Variants in POLM observed in about 807,000 individuals in gnomAD.
The protein encoded by POLM is DNA-directed DNA/RNA polymerase mu.
A neutral mutation model predicts 56.7 loss-of-function variants in POLM; 52 were observed. The observed-to-expected ratio is 0.92, with a 90% confidence interval of 0.73 to 1.15. POLM has a LOEUF of 1.15. Among genes scored for constraint, POLM ranks in the 50% most tolerant of loss-of-function variants. The probability of loss-of-function intolerance (pLI) is 0.00; values close to 1 mark genes in which losing one functional copy is unlikely to be tolerated. For missense variants in POLM, 660 were observed against 663.6 expected, an observed-to-expected ratio of 0.99 and a Z score of 0.06; for synonymous variants, 273 against 274.3, an observed-to-expected ratio of 1.00 and a Z score of 0.05.
intron 4 of POLM, among the ~76,000 whole-genome samples, 191 bp downstream of exon 4, chr7:44,079,380 C>T (rs1193492954): frequency 1.3e-5 from 2 of 152,180 alleles, no homozygotes; most frequent in African/African-American, 2.4e-5. Flanking sequence ...TCCTCTAGGC[C>T]ACCCAGGAGT....
intron 5 of POLM, chr7:44,078,524 T>C: frequency 1.8e-6 from 1 of 568,520 alleles, no homozygotes; most frequent in East Asian, 2.9e-5. Context: ...ATCTAGAAAA[T>C]TCTGTCCTCA....
chr7:44,073,203 A>AG lies in POLM; in HGVS notation c.*87dup, dbSNP rs1491493618. On this transcript the variant is annotated 3_prime_UTR_variant, in exon 11 of 11. Coordinates refer to ENST00000242248, the MANE Select transcript of POLM (RefSeq NM_013284.4). Reference sequence around the variant, plus strand: ...GCGGGGAGGGGTGAAGGTGGGGGTCAGGGGGCAGCATATCTGCCTGGAGAC... The same window carrying AG: ...GCGGGGAGGGGTGAAGGTGGGGGTCAGGGGGGCAGCATATCTGCCTGGAGAC... The AG allele has an allele frequency of 1.9e-6, 3 of 1,607,216 alleles. No homozygotes were observed. Among genetic ancestry groups the AG allele is most frequent in the Middle Eastern group, 1.7e-4 (1 of 6,038 alleles).
At chr7:44,077,234 G>A (rs916353839) in intron 5 of POLM, among the ~76,000 whole-genome samples, 12 of 152,220 alleles carry the variant, frequency 7.9e-5, no homozygotes, top group South Asian at 2.1e-4. Flanking sequence ...TGGCAGCCGA[G>A]CACCTTTTGT....
In POLM at chr7:44,076,731, G is replaced by A. The variant is rs942979822; in HGVS notation, c.715-102C>T. On this transcript the variant is annotated intron_variant, in intron 5 of 10. Coordinates refer to ENST00000242248, the MANE Select transcript of POLM (RefSeq NM_013284.4). Reference sequence around the variant, plus strand: ...GTGGCCCATGGAGCACCATGCACCAGGCAGGCGCCGTCCCCACTCGCAACC... The same window carrying A: ...GTGGCCCATGGAGCACCATGCACCAAGCAGGCGCCGTCCCCACTCGCAACC... 4.8e-5 allele frequency: 70 copies of A among 1,466,428 alleles called. No individual in the cohort carries two copies. The Admixed American group carries it at 1.3e-3, about 27-fold the overall frequency. The allele number at this position is 1,466,428 out of a possible 1,614,324, so 90.8% of individuals were successfully genotyped here.
Position 44,080,743 on chromosome 7 carries a change from T to G in POLM, c.362A>C (p.His121Pro), listed in dbSNP as rs746719166. The change falls in exon 2 of 11, where the codon CAC (histidine) becomes CCC (proline). Residue 121 changes from histidine to proline, a missense_variant. By Grantham distance (77) the His-to-Pro change is moderately conservative. Coordinates refer to ENST00000242248, the MANE Select transcript of POLM (RefSeq NM_013284.4). ...AGQPVPVECRHRLEVAGPRKG... is the reference protein window; with the variant it reads ...AGQPVPVECRPRLEVAGPRKG... ...TTCCACCCAGCTCACCTCCAGGCGGTGCCGGCACTCCACAGGTACAGGCTG... is the reference window on the plus strand; with the variant it reads ...TTCCACCCAGCTCACCTCCAGGCGGGGCCGGCACTCCACAGGTACAGGCTG... 11 of 1,614,076 alleles carry G rather than the reference T, an allele frequency of 6.8e-6. No homozygotes were observed. In the Admixed American group the frequency reaches 1.7e-4, roughly 24 times the overall value.
Position 44,079,697 on chromosome 7 carries a change from A to T in POLM, c.516T>A (p.Ser172Arg). 11 of 1,612,512 alleles carry T rather than the reference A, an allele frequency of 6.8e-6. No individual in the cohort carries two copies. The highest frequency in any genetic ancestry group is 9.3e-6 in the Non-Finnish European group (11 of 1,179,266). ...TGCAGAAGGTGAGGAGGCGGCCCTCACTGCCTTCAAAGCCTGCTGCCTCGG... is the reference window on the plus strand; with the variant it reads ...TGCAGAAGGTGAGGAGGCGGCCCTCTCTGCCTTCAAAGCCTGCTGCCTCGG... ...ILAEAAGFEG[S>R]EGRLLTFCRA... The change falls in exon 4 of 11, where the codon AGT becomes AGA. Residue 172 changes from serine (S) to arginine (R), a missense_variant. Coordinates refer to ENST00000242248, the MANE Select transcript of POLM (RefSeq NM_013284.4).
At position 44,072,389 on chromosome 7, in the gene POLM, C is replaced by G. The variant is rs1484173055; in HGVS notation, c.*902G>C. 3 of 152,182 alleles carry G rather than the reference C, an allele frequency of 2.0e-5. No individual in the cohort carries two copies. Among genetic ancestry groups the G allele is most frequent in the Non-Finnish European group, 1.5e-5 (1 of 68,038 alleles). The allele number at this position is 152,182 out of a possible 1,614,324, so 9.4% of individuals were successfully genotyped here. A position where few individuals can be genotyped will look rare whatever the true frequency, so the allele number is the denominator to read the frequency against. ...GACATGGCCAGGGCAAAACCTGAGG[C>G]CAGAGTGTGCCTGGGGATATGAGGG... On this transcript the variant is annotated 3_prime_UTR_variant, in exon 11 of 11. Transcript: ENST00000242248.
rs776901830 is a variant in POLM at position 44,078,800 on chromosome 7, C to T, written c.654G>A (p.Glu218=). Residue 218 remains glutamate, a synonymous_variant, in exon 5 of 11, where the codon GAG becomes GAA. Coordinates refer to ENST00000242248, the MANE Select transcript of POLM (RefSeq NM_013284.4). ...TCTCCACCTCCTCACACACTCCATGCTCCAGCAGCTCCTGGGGGAGGGAAC... is the reference window on the plus strand; with the variant it reads ...TCTCCACCTCCTCACACACTCCATGTTCCAGCAGCTCCTGGGGGAGGGAAC... ...HSSRVVQELL[E]HGVCEEVERV... 1.2e-6 allele frequency: 2 copies of T among 1,613,602 alleles called. No homozygotes were observed. The highest frequency in any genetic ancestry group is 1.7e-6 in the Non-Finnish European group (2 of 1,179,684).
Position 44,074,535 on chromosome 7 carries a change from G to A in POLM, c.836-5C>T. The stretch of plus-strand genomic sequence containing the variant: ...GGTCCTGGTGGTGCTGGAGCCCTGG[G>A]GGCAACACCGGCCCTCCTGACTCAC... On this transcript the variant is annotated splice_region_variant and splice_polypyrimidine_tract_variant and intron_variant, in intron 6 of 10. Coordinates refer to ENST00000242248, the MANE Select transcript of POLM (RefSeq NM_013284.4). The A allele has an allele frequency of 6.4e-7, 1 of 1,554,836 alleles. No individual in the cohort carries two copies. Among genetic ancestry groups the A allele is most frequent in the Non-Finnish European group, 8.7e-7 (1 of 1,147,492 alleles).
In POLM at chr7:44,074,410, C is replaced by G; in HGVS notation, c.956G>C (p.Gly319Ala). The G allele has an allele frequency of 6.4e-7, 1 of 1,557,690 alleles. No homozygotes were observed. The highest frequency in any genetic ancestry group is 8.7e-7 in the Non-Finnish European group (1 of 1,150,530). The change falls in exon 7 of 11, where the codon GGC (glycine) becomes GCC (alanine). Residue 319 changes from glycine to alanine, a missense_variant. Physicochemically the swap from Gly to Ala is moderately conservative, Grantham distance 60. Coordinates refer to ENST00000242248, the MANE Select transcript of POLM (RefSeq NM_013284.4). Reference protein sequence around the residue: ...ALPGATVTLTGGFRRGKLQGH... With the variant: ...ALPGATVTLTAGFRRGKLQGH... ...CGGGCCTTCTTACCTGCGGAAGCCG[C>G]CGGTCAGCGTGACGGTGGCCCCAGG... is the stretch of plus-strand genomic sequence containing the variant.
chr7:44,074,583 C>T lies in POLM; in HGVS notation c.836-53G>A, dbSNP rs987553905. ...CACCCAGCCTGCCCACCACACCGAG[C>T]CCCCATCCCTCACCAGCATGAGGTG... On this transcript the variant is annotated intron_variant, in intron 6 of 10. Coordinates refer to ENST00000242248, the MANE Select transcript of POLM (RefSeq NM_013284.4). 3.5e-5 allele frequency: 52 copies of T among 1,490,338 alleles called. 1 individual carries two copies. The South Asian group carries it at 6.4e-4, about 18-fold the overall frequency. 92.3% of individuals were successfully genotyped at this position (1,490,338 alleles called of 1,614,324 possible).
intron 6 of POLM, among the ~76,000 whole-genome samples, chr7:44,075,551 C>A (rs536020956): frequency 2.0e-5 from 3 of 152,144 alleles, no homozygotes; most frequent in Non-Finnish European, 4.4e-5. Flanking sequence ...GCTGGCAGTG[C>A]CTGCTGGGCT....
At chr7:44,078,023 A>G (rs144954064) in intron 5 of POLM, among the ~76,000 whole-genome samples, 269 of 152,346 alleles carry the variant, frequency 1.8e-3, no homozygotes, top group African/African-American at 6.4e-3. Context: ...GCAGGCTGAC[A>G]ACACTGAGAA....
chr7:44,079,847 T>G lies in POLM; in HGVS notation c.471+14A>C. ...AACCCCCAGGGCTGGCCAAGGCTCATAGAAGCGGCTTACGGAGAGGCCAGT... is the reference window on the plus strand; with the variant it reads ...AACCCCCAGGGCTGGCCAAGGCTCAGAGAAGCGGCTTACGGAGAGGCCAGT... On this transcript the variant is annotated intron_variant, in intron 3 of 10. Transcript: ENST00000242248. 6.2e-7 allele frequency: 1 copy of G among 1,613,818 alleles called. No individual in the cohort carries two copies. Among genetic ancestry groups the G allele is most frequent in the Non-Finnish European group, 8.5e-7 (1 of 1,179,712 alleles).
Position 44,074,246 on chromosome 7 carries a change from G to C in POLM, c.969-13C>G. ...CTGCAACTTCCCCCTGAGGGCGTCA[G>C]TCTGACTCTGACTCAGGGACACGGC... On this transcript the variant is annotated splice_polypyrimidine_tract_variant and intron_variant, in intron 7 of 10. Coordinates refer to ENST00000242248, the MANE Select transcript of POLM (RefSeq NM_013284.4). 1 of 1,561,802 alleles carries C rather than the reference G, an allele frequency of 6.4e-7. No individual in the cohort carries two copies. The highest frequency in any genetic ancestry group is 2.4e-5 in the East Asian group (1 of 42,394).
rs149703411 is a variant in POLM at position 44,076,511 on chromosome 7, G to A, written c.833C>T (p.Ala278Val). Residue 278 changes from alanine to valine, a missense_variant and splice_region_variant, in exon 6 of 11, where the codon GCG (alanine) becomes GTG (valine). Physicochemically the swap from Ala to Val is moderately conservative, Grantham distance 64. Transcript: ENST00000242248. ...QPQKLTQQQK[A>V]GLQHHQDLST... ...CCCAGCCTCTCTGGAGGGCTCACCCGCTTTCTGCTGTTGGGTTAGTTTCTG... is the reference window on the plus strand; with the variant it reads ...CCCAGCCTCTCTGGAGGGCTCACCCACTTTCTGCTGTTGGGTTAGTTTCTG... The A allele has an allele frequency of 4.6e-5, 74 of 1,613,852 alleles. No homozygotes were observed. In the East Asian group the frequency reaches 6.2e-4, roughly 14 times the overall value.
intron 5 of POLM, chr7:44,078,349 C>G: frequency 5.1e-6 from 1 of 194,406 alleles, no homozygotes. Context: ...GCCTGTAGTC[C>G]CAGCTACTCC....
chr7:44,079,792 C>A (rs752552825), intron 3 of POLM, 51 bp from the exon 4 acceptor site: 9 of 1,609,942 alleles, frequency 5.6e-6, no homozygotes, highest in Non-Finnish European at 6.0e-6. Flanking sequence ...TCCAATCCCC[C>A]ACCTACCACC....
At chr7:44,078,675 T>C (rs1355728963) in intron 5 of POLM, 65 bp downstream of exon 5, 1 of 1,436,012 alleles carries the variant, frequency 7.0e-7, no homozygotes. Context: ...GTGCATGGTG[T>C]GGACTGTGTT....
Sources: gnomAD v4.1 joint callset for allele counts (sites outside exome capture counted in the v4.1 genomes callset) on GRCh38, gnomAD v4.1.1 for gene constraint, MANE v1.5 for transcripts, NCBI Gene and HGNC (gene_info 2026-07-23, HGNC 2026-07-21) for gene names.